Variants in STAT6 observed in about 807,000 individuals in gnomAD.
STAT6 encodes the protein STAT, interleukin4-induced.
Under a neutral mutation model 106.3 loss-of-function variants are expected in STAT6, and 45 were observed. That is an observed-to-expected ratio of 0.42 (90% CI 0.33 to 0.54). STAT6 has a LOEUF of 0.54. Ranked by LOEUF, STAT6 falls within the 20% of genes least tolerant of loss-of-function variation. STAT6 has a pLI of 0.06. For missense variants in STAT6, 797 were observed against 1,062.2 expected, an observed-to-expected ratio of 0.75 and a Z score of 3.47; for synonymous variants, 413 against 413.6, an observed-to-expected ratio of 1.00 and a Z score of 0.02.
chr12:57,107,378 T>C (rs1479132354), intron 3 of STAT6, 64 bp from the exon 4 acceptor site: 1 of 1,494,958 alleles, frequency 6.7e-7, no homozygotes, highest in East Asian at 2.3e-5. Context: ...ATCCCTCCAA[T>C]CCCCAGGCCT....
chr12:57,107,387 C>T (rs1183102883), intron 3 of STAT6, 73 bp from the exon 4 acceptor site: 1 of 1,451,226 alleles, frequency 6.9e-7, no homozygotes, highest in Non-Finnish European at 9.7e-7. Flanking sequence ...ATCCCCAGGC[C>T]TGCATTCACA....
rs1422614427 is a variant in STAT6 at position 57,102,960 on chromosome 12, CTTT to C, written c.1213-42_1213-40del. 4.3e-4 allele frequency: 136 copies of C among 315,770 alleles called. 9 individuals are homozygous for C. Among genetic ancestry groups the C allele is most frequent in the South Asian group, 4.0e-3 (103 of 25,972 alleles). 19.6% of individuals were successfully genotyped at this position (315,770 alleles called of 1,614,324 possible). Reference sequence around the variant, plus strand: ...GGACAGGGGTTTCTTTTCTTTCTTTCTTTCCTTTTTTTTTTTTTTTTTTTTTTT... The same window carrying C: ...GGACAGGGGTTTCTTTTCTTTCTTTCCCTTTTTTTTTTTTTTTTTTTTTTT... On this transcript the variant is annotated intron_variant, in intron 11 of 21. Coordinates refer to ENST00000300134, the MANE Select transcript of STAT6 (RefSeq NM_003153.5).
At position 57,102,832 on chromosome 12, in the gene STAT6, C is replaced by G; in HGVS notation, c.1302G>C (p.Glu434Asp). The G allele has an allele frequency of 6.2e-7, 1 of 1,613,632 alleles. No individual in the cohort carries two copies. The highest frequency in any genetic ancestry group is 8.5e-7 in the Non-Finnish European group (1 of 1,179,688). ...CCAACTCCAGGACTTTCCTCACCAT[C>G]TCAGAGAAGGCATTGTCCCACAGGA... is the stretch of plus-strand genomic sequence containing the variant. ...ATILWDNAFS[E>D]MDRVPFVVAE... The change falls in exon 12 of 22, where the codon GAG becomes GAC. Residue 434 changes from glutamate (E) to aspartate (D), a missense_variant. Glu to Asp is a conservative substitution (Grantham distance 45). This residue lies in a region of STAT6 where 222 missense variants were observed against 354.6 expected (regional missense o/e 0.63). Coordinates refer to ENST00000300134, the MANE Select transcript of STAT6 (RefSeq NM_003153.5).
rs1360013062 is a variant in STAT6, at chr12:57,105,277, C to T, written c.875G>A (p.Gly292Glu). The T allele has an allele frequency of 3.1e-6, 5 of 1,614,190 alleles. No individual in the cohort carries two copies. The highest frequency in any genetic ancestry group is 4.2e-6 in the Non-Finnish European group (5 of 1,180,018). ...CCTCAAGCCCAACAGGAATCGAACT[C>T]CAGCCTGGAACTTGGTCTGAGTCTT... ...VLKTQTKFQA[G>E]VRFLLGLRFL... is the part of the protein sequence containing the mutation. The change falls in exon 9 of 22, where the codon GGA becomes GAA. Residue 292 changes from glycine (G) to glutamate (E), a missense_variant. Gly to Glu is a moderately conservative substitution (Grantham distance 98). This residue lies in a region of STAT6 where 336 missense variants were observed against 429.8 expected (regional missense o/e 0.78). Transcript: ENST00000300134.
At position 57,097,140 on chromosome 12, in the gene STAT6, G is replaced by A. The variant is rs374865840; in HGVS notation, c.2160-7C>T. 38 of 1,510,884 alleles carry A rather than the reference G, an allele frequency of 2.5e-5. No individual in the cohort carries two copies. The highest frequency in any genetic ancestry group is 3.3e-5 in the Non-Finnish European group (37 of 1,130,558). 93.6% of individuals were successfully genotyped at this position (1,510,884 alleles called of 1,614,324 possible). A position where few individuals can be genotyped will look rare whatever the true frequency, so the allele number is the denominator to read the frequency against. On this transcript the variant is annotated splice_region_variant and splice_polypyrimidine_tract_variant and intron_variant, in intron 19 of 21. Coordinates refer to ENST00000300134, the MANE Select transcript of STAT6 (RefSeq NM_003153.5). ...GGGCATCTGCAGGTGAGGCCTGGAA[G>A]TAGGGAGAGCACAGTTAGAGGAAGG...
In STAT6 at chr12:57,106,199, G is replaced by T; in HGVS notation, c.672C>A (p.Leu224=). The stretch of plus-strand genomic sequence containing the variant: ...ATCAGCCCTAGCCCAACCTCTCCTG[G>T]AGTGGGGCCAGGCTCTCCTCAAACG... ...GAPFEESLAP[L]QERCESLVDI... is the part of the protein sequence containing the mutation. The change falls in exon 7 of 22, where the codon CTC becomes CTA. Residue 224 remains leucine, a synonymous_variant. Coordinates refer to ENST00000300134, the MANE Select transcript of STAT6 (RefSeq NM_003153.5). 1 of 1,614,042 alleles carries T rather than the reference G, an allele frequency of 6.2e-7. No individual in the cohort carries two copies. The highest frequency in any genetic ancestry group is 8.5e-7 in the Non-Finnish European group (1 of 1,180,006).
At position 57,099,229 on chromosome 12, in the gene STAT6, G is replaced by A; in HGVS notation, c.1891+65C>T. The stretch of plus-strand genomic sequence containing the variant: ...GGATGACACGCGGGCAGGGAGAGGA[G>A]GGCAGCGGGGAGCAGGGAGGAAGTG... On this transcript the variant is annotated intron_variant, in intron 16 of 21. Coordinates refer to ENST00000300134, the MANE Select transcript of STAT6 (RefSeq NM_003153.5). The surrounding 1 kb of genome is among the most constrained non-coding windows in gnomAD (Gnocchi z 4.7). The A allele has an allele frequency of 6.2e-7, 1 of 1,608,248 alleles. No homozygotes were observed. Among genetic ancestry groups the A allele is most frequent in the Non-Finnish European group, 8.5e-7 (1 of 1,175,402 alleles).
In STAT6 at chr12:57,099,584, G is replaced by T; in HGVS notation, c.1745-144C>A. On this transcript the variant is annotated intron_variant, in intron 15 of 21. Transcript: ENST00000300134. The surrounding 1 kb of genome is among the most constrained non-coding windows in gnomAD (Gnocchi z 4.7). ...GCTCCTGAGGGAGAGAGACCCACTA[G>T]TCTCCGTTCCCACAGAGCTCACAGT... 1 of 1,383,750 alleles carries T rather than the reference G, an allele frequency of 7.2e-7. No individual in the cohort carries two copies. The highest frequency in any genetic ancestry group is 9.9e-7 in the Non-Finnish European group (1 of 1,011,552). The allele number at this position is 1,383,750 out of a possible 1,614,324, so 85.7% of individuals were successfully genotyped here. A position where few individuals can be genotyped will look rare whatever the true frequency, so the allele number is the denominator to read the frequency against.
chr12:57,107,151 C>A, intron 4 of STAT6, 80 bp downstream of exon 4: 1 of 1,470,508 alleles, frequency 6.8e-7, no homozygotes, highest in South Asian at 1.1e-5. Context: ...TACTGAGGTT[C>A]AAATTCTTTC....
rs771582284 is a variant in STAT6, at chr12:57,096,753, TCAC to T, written c.2360_2362del (p.Gly787del). 6.2e-7 allele frequency: 1 copy of T among 1,613,350 alleles called. No homozygotes were observed. The highest frequency in any genetic ancestry group is 8.5e-7 in the Non-Finnish European group (1 of 1,179,682). ...AGGCAGCAGAGGAGGGAATATGTCT[TCAC>T]CAATCCTGCAAGGAGATGGGAGAAG... On this transcript the variant is annotated inframe_deletion, in exon 22 of 22. Transcript: ENST00000300134.
rs2034306710 is a variant in STAT6 at position 57,106,760 on chromosome 12, C to T, written c.411G>A (p.Leu137=). ...ELKFKTGLRR[L]QHRVGEIHLL... ...GGTGGATCTCCCCTACTCGGTGCTG[C>T]AGCCTCCGCAAGCCTGTCTTAAACT... The change falls in exon 5 of 22, where the codon CTG becomes CTA. Residue 137 remains leucine (L), a synonymous_variant. Coordinates refer to ENST00000300134, the MANE Select transcript of STAT6 (RefSeq NM_003153.5). 6.2e-7 allele frequency: 1 copy of T among 1,614,060 alleles called. No homozygotes were observed. Among genetic ancestry groups the T allele is most frequent in the African/African-American group, 1.3e-5 (1 of 75,042 alleles).
At chr12:57,100,991 TG>T (rs1240044862) in intron 13 of STAT6, 2 of 345,266 alleles carry the variant, frequency 5.8e-6, no homozygotes, top group Non-Finnish European at 6.0e-6. Context: ...GCACAGCGCC[TG>T]GCATATAAGC....
chr12:57,100,664 GAA>G (rs779044495), intron 13 of STAT6, among the ~76,000 whole-genome samples: 1 of 37,136 alleles, frequency 2.7e-5, no homozygotes, highest in East Asian at 4.4e-4. Flanking sequence ...AAGAAAGAAA[GAA>G]AGAAAGAAAG....
rs1391768918 is a variant in STAT6 at position 57,099,238 on chromosome 12, G to C, written c.1891+56C>G. On this transcript the variant is annotated intron_variant, in intron 16 of 21. Coordinates refer to ENST00000300134, the MANE Select transcript of STAT6 (RefSeq NM_003153.5). This position sits in a 1 kb window ranked among gnomAD's most constrained non-coding sequence, Gnocchi z 4.7. Reference sequence around the variant, plus strand: ...GCGGGCAGGGAGAGGAGGGCAGCGGGGAGCAGGGAGGAAGTGGGTGACAGG... The same window carrying C: ...GCGGGCAGGGAGAGGAGGGCAGCGGCGAGCAGGGAGGAAGTGGGTGACAGG... 5 of 1,610,634 alleles carry C rather than the reference G, an allele frequency of 3.1e-6. No individual in the cohort carries two copies. Among genetic ancestry groups the C allele is most frequent in the South Asian group, 1.1e-5 (1 of 90,964 alleles).
chr12:57,102,935 G>A lies in STAT6; in HGVS notation c.1213-14C>T, dbSNP rs2034028148. The A allele has an allele frequency of 9.0e-6, 13 of 1,440,946 alleles. No individual in the cohort carries two copies. The East Asian group carries it at 3.4e-4, about 38-fold the overall frequency. The allele number at this position is 1,440,946 out of a possible 1,614,324, so 89.3% of individuals were successfully genotyped here. On this transcript the variant is annotated splice_polypyrimidine_tract_variant and intron_variant, in intron 11 of 21. Coordinates refer to ENST00000300134, the MANE Select transcript of STAT6 (RefSeq NM_003153.5). ...CAGAGACAGGGCCTGAAGAGGGTGA[G>A]GACAGGGGTTTCTTTTCTTTCTTTC...
At chr12:57,106,099 G>A (rs1385175322) in intron 7 of STAT6, 92 bp downstream of exon 7, 7 of 1,573,240 alleles carry the variant, frequency 4.4e-6, no homozygotes, top group South Asian at 3.5e-5. Context: ...AGGCCCTCCC[G>A]CCTGGCTTCT....
Position 57,096,658 on chromosome 12 carries a change from C to A in STAT6, c.2458G>T (p.Ala820Ser). 6.2e-7 allele frequency: 1 copy of A among 1,604,140 alleles called. No individual in the cohort carries two copies. Among genetic ancestry groups the A allele is most frequent in the Non-Finnish European group, 8.5e-7 (1 of 1,176,974 alleles). The change falls in exon 22 of 22, where the codon GCA (alanine) becomes TCA (serine). Residue 820 changes from alanine (A) to serine (S), a missense_variant. By Grantham distance (99) the Ala-to-Ser change is moderately conservative (BLOSUM62 1). Transcript: ENST00000300134. ...TGGGAGGGCTGCAGGAGGGGCTGTGCCCCCAAGGACCCTCCCCCCGACTCC... is the reference window on the plus strand; with the variant it reads ...TGGGAGGGCTGCAGGAGGGGCTGTGACCCCAAGGACCCTCCCCCCGACTCC... ...QGESGGGSLGAQPLLQPSHYG... is the reference protein window; with the variant it reads ...QGESGGGSLGSQPLLQPSHYG...
At chr12:57,107,133 T>C in intron 4 of STAT6, 98 bp downstream of exon 4, 1 of 1,335,070 alleles carries the variant, frequency 7.5e-7, no homozygotes, top group South Asian at 1.2e-5. Flanking sequence ...CCTAGAACAC[T>C]GAGCCTTTAC....
rs755896348 is a variant in STAT6, at chr12:57,096,638, G to A, written c.2478C>T (p.Pro826=). ...GSLGAQPLLQ[P]SHYGQSGISM... ...AGATCCCAGATTGCCCATAGTGGGA[G>A]GGCTGCAGGAGGGGCTGTGCCCCCA... is the stretch of plus-strand genomic sequence containing the variant. Residue 826 remains proline (P), a synonymous_variant, in exon 22 of 22, where the codon CCC becomes CCT. Transcript: ENST00000300134. 6.2e-7 allele frequency: 1 copy of A among 1,608,710 alleles called. No individual in the cohort carries two copies. The highest frequency in any genetic ancestry group is 8.5e-7 in the Non-Finnish European group (1 of 1,178,234).
Sources: allele counts gnomAD v4.1 joint callset (sites outside exome capture counted in the v4.1 genomes callset), GRCh38; gene constraint gnomAD v4.1.1; regional missense constraint gnomAD v4.1.1; non-coding constraint Gnocchi (gnomAD v3.1); transcripts MANE v1.5; gene names NCBI Gene and HGNC (gene_info 2026-07-23, HGNC 2026-07-21).